The following CDH7 variants were observed in gnomAD, a reference collection of about 807,000 sequenced individuals.
CDH7 encodes cadherin-7.
In CDH7, 25 loss-of-function variants were observed where a neutral mutation model predicts 71.8. The observed-to-expected ratio is 0.35, with a 90% CI of 0.25 to 0.49. The LOEUF (loss-of-function observed/expected upper bound fraction) is 0.49, where lower values mean the gene tolerates loss of function less well. CDH7 is among the 20% of genes least tolerant of loss of function. CDH7 has a pLI of 0.99. For synonymous variants in CDH7, 381 were observed against 363.8 expected, an observed-to-expected ratio of 1.05 and a Z score of -0.54; for missense variants, 862 against 974.6, an observed-to-expected ratio of 0.88 and a Z score of 1.54.
chr18:65,809,743 T>A lies in CDH7; in HGVS notation c.250T>A (p.Tyr84Asn). ...TGATAAAGGAGATGGTTCCATCAAA[T>A]ACATCTTGTCAGGCGAAGGGGCAAG... Reference protein sequence around the residue: ...DVDKGDGSIKYILSGEGASSI... With the variant: ...DVDKGDGSIKNILSGEGASSI... Residue 84 changes from tyrosine to asparagine, a missense_variant, in exon 3 of 12, where the codon TAC (tyrosine) becomes AAC (asparagine). Coordinates refer to ENST00000397968, the MANE Select transcript of CDH7 (RefSeq NM_004361.5). 6.2e-7 allele frequency: 1 copy of A among 1,614,030 alleles called. No homozygotes were observed.
chr18:65,821,511 T>A (rs1911927568), intron 4 of CDH7, among the ~76,000 whole-genome samples: 2 of 152,126 alleles, frequency 1.3e-5, no homozygotes, highest in African/African-American at 4.8e-5. Context: ...ATGAGTAATG[T>A]CAAAAAATAA....
chr18:65,846,534 A>G (rs1316508747), intron 7 of CDH7, among the ~76,000 whole-genome samples: 1 of 152,174 alleles, frequency 6.6e-6, no homozygotes, highest in Non-Finnish European at 1.5e-5. Context: ...AAGTTTTTAC[A>G]CGATTTTCAT....
chr18:65,786,993 C>A (rs1910538220), intron 2 of CDH7, among the ~76,000 whole-genome samples: 1 of 152,132 alleles, frequency 6.6e-6, no homozygotes, highest in Admixed American at 6.5e-5. Flanking sequence ...CACTCTATTT[C>A]CTAAGTTTCA....
intron 6 of CDH7, among the ~76,000 whole-genome samples, chr18:65,840,273 A>G (rs1912681005): frequency 6.6e-6 from 1 of 152,220 alleles, no homozygotes; most frequent in African/African-American, 2.4e-5. Flanking sequence ...AGTGTCTCTA[A>G]CACAGATGTC....
chr18:65,862,425 G>A (rs1459610917), intron 10 of CDH7, among the ~76,000 whole-genome samples: 3 of 152,006 alleles, frequency 2.0e-5, no homozygotes, highest in Non-Finnish European at 4.4e-5. Context: ...TTCATATTTT[G>A]TTTTACTTTA....
At chr18:65,757,063 G>A (rs1315777906) in intron 1 of CDH7, among the ~76,000 whole-genome samples, 1 of 145,244 alleles carries the variant, frequency 6.9e-6, no homozygotes, top group Non-Finnish European at 1.5e-5. Flanking sequence ...TTTTTTGCAT[G>A]AAAGGACCTT....
In CDH7 at chr18:65,887,295, T is replaced by G. The variant is rs1255407501; in HGVS notation, c.*6401T>G. 6.6e-6 allele frequency: 1 copy of G among 152,082 alleles called. No individual in the cohort carries two copies. Among genetic ancestry groups the G allele is most frequent in the Non-Finnish European group, 1.5e-5 (1 of 68,016 alleles). The allele number at this position is 152,082 out of a possible 1,614,324, so 9.4% of individuals were successfully genotyped here. Reference sequence around the variant, plus strand: ...ATTATTATTATTATACTTTAAGTTTTAGGGTACATGTGCACAATGTGCAGG... The same window carrying G: ...ATTATTATTATTATACTTTAAGTTTGAGGGTACATGTGCACAATGTGCAGG... On this transcript the variant is annotated 3_prime_UTR_variant, in exon 12 of 12. Coordinates refer to ENST00000397968, the MANE Select transcript of CDH7 (RefSeq NM_004361.5).
intron 2 of CDH7, among the ~76,000 whole-genome samples, chr18:65,764,913 T>G (rs187576111): frequency 4.6e-5 from 7 of 152,186 alleles, no homozygotes; most frequent in African/African-American, 1.7e-4. Flanking sequence ...TTTAAAATTA[T>G]GAAGAGGTGT....
At position 65,888,441 on chromosome 18, in the gene CDH7, T is replaced by A. The variant is rs1193716213; in HGVS notation, c.*7547T>A. ...GACACACTACAATGAAGACTTCTGTTGTCATCATTCTCAGCTGTGATGGTG... is the reference window on the plus strand; with the variant it reads ...GACACACTACAATGAAGACTTCTGTAGTCATCATTCTCAGCTGTGATGGTG... On this transcript the variant is annotated 3_prime_UTR_variant, in exon 12 of 12. Transcript: ENST00000397968. 6.6e-6 allele frequency: 1 copy of A among 152,156 alleles called. No homozygotes were observed. Among genetic ancestry groups the A allele is most frequent in the African/African-American group, 2.4e-5 (1 of 41,446 alleles). 9.4% of individuals were successfully genotyped at this position (152,156 alleles called of 1,614,324 possible).
intron 2 of CDH7, among the ~76,000 whole-genome samples, chr18:65,770,821 T>C (rs1296668981): frequency 1.3e-5 from 2 of 152,182 alleles, no homozygotes; most frequent in Non-Finnish European, 2.9e-5. Context: ...TGAATACTAC[T>C]TTGTCATAAT....
intron 11 of CDH7, among the ~76,000 whole-genome samples, chr18:65,874,765 A>G (rs975708560): frequency 2.4e-4 from 37 of 151,950 alleles, no homozygotes; most frequent in Admixed American, 2.3e-3. Flanking sequence ...ACATGTATAT[A>G]TAGATATGTG....
intron 6 of CDH7, among the ~76,000 whole-genome samples, chr18:65,837,924 A>ATTT (rs67650944): frequency 0.072 from 9,527 of 133,228 alleles, 521 homozygotes; most frequent in South Asian, 0.12. Flanking sequence ...ATTTAGAGTA[A>ATTT]TTTTTTTTTT....
intron 2 of CDH7, among the ~76,000 whole-genome samples, chr18:65,765,851 GT>G (rs765893271): frequency 2.0e-5 from 3 of 152,018 alleles, no homozygotes; most frequent in Non-Finnish European, 4.4e-5. Flanking sequence ...ATATCATTAA[GT>G]TTTAGTTTTC....
chr18:65,869,844 T>A (rs1913876623), intron 11 of CDH7, among the ~76,000 whole-genome samples: 2 of 152,144 alleles, frequency 1.3e-5, no homozygotes, highest in Non-Finnish European at 2.9e-5. Flanking sequence ...GTGAATGATT[T>A]GAATGTACTG....
intron 2 of CDH7, among the ~76,000 whole-genome samples, chr18:65,765,090 C>T (rs1916313959): frequency 6.6e-6 from 1 of 151,988 alleles, no homozygotes; most frequent in Non-Finnish European, 1.5e-5. Flanking sequence ...GAAGTTAGTT[C>T]GTGTTTATCT....
At chr18:65,792,068 G>A (rs1910730607) in intron 2 of CDH7, among the ~76,000 whole-genome samples, 1 of 151,902 alleles carries the variant, frequency 6.6e-6, no homozygotes, top group Non-Finnish European at 1.5e-5. Context: ...ATCACATAGG[G>A]GCATGTTAGA....
chr18:65,793,903 G>A (rs531106664), intron 2 of CDH7, among the ~76,000 whole-genome samples: 111 of 152,202 alleles, frequency 7.3e-4, no homozygotes, highest in African/African-American at 2.6e-3. Context: ...TTTTAGATGA[G>A]TGCAGAATAT....
At chr18:65,778,695 G>A (rs968489616) in intron 2 of CDH7, among the ~76,000 whole-genome samples, 16 of 149,504 alleles carry the variant, frequency 1.1e-4, no homozygotes, top group Non-Finnish European at 2.4e-4. Context: ...TCAATGAGAC[G>A]TCAACAGTTT....
At chr18:65,814,425 GT>G in intron 3 of CDH7, 59 bp from the exon 4 acceptor site, 1 of 1,586,152 alleles carries the variant, frequency 6.3e-7, no homozygotes, top group Non-Finnish European at 8.7e-7. Context: ...CATTTTGTAC[GT>G]TTTTTGTTTT....
Sources: gnomAD v4.1 joint callset for allele counts (sites outside exome capture counted in the v4.1 genomes callset) on GRCh38, gnomAD v4.1.1 for gene constraint, MANE v1.5 for transcripts, NCBI Gene and HGNC (gene_info 2026-07-23, HGNC 2026-07-21) for gene names.